PUS7L: variants seen among roughly 807,000 people sequenced by gnomAD.
PUS7L encodes pseudouridylate synthase PUS7L.
In PUS7L, 49 loss-of-function variants were observed where a neutral mutation model predicts 51.1. The ratio of observed to expected loss-of-function variants is 0.96; its 90% CI spans 0.76 to 1.22. PUS7L has a LOEUF of 1.22. Ranked by LOEUF, PUS7L falls within the 50% of genes most tolerant of loss-of-function variation. The pLI, the probability that PUS7L is intolerant of heterozygous loss-of-function variation, is 0.00. For synonymous variants in PUS7L, 277 were observed against 276.2 expected (o/e 1.00, Z -0.03); for missense variants, 828 against 820.6 (o/e 1.01, Z -0.11).
At chr12:43,758,653 C>CGG in intron 1 of PUS7L, 77 bp downstream of exon 1, 1 of 499,676 alleles carries the variant, frequency 2.0e-6, no homozygotes, top group Non-Finnish European at 2.3e-6. Flanking sequence ...CCAACCTCGT[C>CGG]ACCCCCCCCC....
intron 7 of PUS7L, among the ~76,000 whole-genome samples, chr12:43,734,017 C>T (rs1371475096): frequency 6.6e-6 from 1 of 152,070 alleles, no homozygotes; most frequent in African/African-American, 2.4e-5. Flanking sequence ...ATCTTTACTC[C>T]CTCTTTTCAA....
chr12:43,729,451 A>C lies in PUS7L; in HGVS notation c.*925T>G, dbSNP rs1238709265. On this transcript the variant is annotated 3_prime_UTR_variant, in exon 9 of 9. Coordinates refer to ENST00000344862, the MANE Select transcript of PUS7L (RefSeq NM_031292.5). ...TACATGCCAGTCATTCCTCCCCAAC[A>C]CACCCATATTTAACTGATATAAAAT... 2.8e-6 allele frequency: 1 copy of C among 362,334 alleles called. No homozygotes were observed. Among genetic ancestry groups the C allele is most frequent in the Admixed American group, 4.6e-5 (1 of 21,600 alleles). The allele number at this position is 362,334 out of a possible 1,614,324, so 22.4% of individuals were successfully genotyped here. A position where few individuals can be genotyped will look rare whatever the true frequency, so the allele number is the denominator to read the frequency against.
chr12:43,752,228 CGTGGCTGGAAGGTTG>C (rs557592729), intron 2 of PUS7L, among the ~76,000 whole-genome samples: 147 of 152,248 alleles, frequency 9.7e-4, no homozygotes, highest in African/African-American at 3.4e-3. Flanking sequence ...GGCTCATTTA[CGTGGCTGGAAGGTTG>C]GTACTGGCTG....
At chr12:43,743,130 G>T (rs1179828657) in intron 4 of PUS7L, among the ~76,000 whole-genome samples, 1 of 152,112 alleles carries the variant, frequency 6.6e-6, no homozygotes, top group Non-Finnish European at 1.5e-5. Flanking sequence ...TATTCCAGGG[G>T]AAGAATACAG....
chr12:43,737,348 A>G (rs1027963900), intron 6 of PUS7L, among the ~76,000 whole-genome samples: 1 of 152,170 alleles, frequency 6.6e-6, no homozygotes, highest in African/African-American at 2.4e-5. Context: ...ATTACTCATA[A>G]GAGTTAGAAG....
chr12:43,737,290 A>G (rs1035695499), intron 6 of PUS7L, among the ~76,000 whole-genome samples: 5 of 152,178 alleles, frequency 3.3e-5, no homozygotes, highest in African/African-American at 1.2e-4. Flanking sequence ...TCGGGACTCT[A>G]TAACAGACAT....
chr12:43,752,732 G>A (rs969000763), intron 2 of PUS7L, among the ~76,000 whole-genome samples: 1 of 152,164 alleles, frequency 6.6e-6, no homozygotes, highest in Non-Finnish European at 1.5e-5. Flanking sequence ...TTCAGAACTG[G>A]AGAGGAGGAA....
In PUS7L at chr12:43,724,189, C is replaced by A. The variant is rs1450233327; in HGVS notation, c.*6187G>T. Reference sequence around the variant, plus strand: ...TCTTTTTGTTCTCTTAAAGATTACTCCCAGGTAGAAAACGTTAAGGAACAT... The same window carrying A: ...TCTTTTTGTTCTCTTAAAGATTACTACCAGGTAGAAAACGTTAAGGAACAT... On this transcript the variant is annotated 3_prime_UTR_variant, in exon 9 of 9. Transcript: ENST00000344862. 1 of 151,728 alleles carries A rather than the reference C, an allele frequency of 6.6e-6. No homozygotes were observed. Among genetic ancestry groups the A allele is most frequent in the Non-Finnish European group, 1.5e-5 (1 of 67,874 alleles). 9.4% of individuals were successfully genotyped at this position (151,728 alleles called of 1,614,324 possible).
chr12:43,738,022 C>A, intron 6 of PUS7L: 1 of 268,186 alleles, frequency 3.7e-6, no homozygotes. Context: ...GTGCCAGATT[C>A]GAATTTGGAA....
At chr12:43,735,524 A>G (rs1944664968) in intron 7 of PUS7L, among the ~76,000 whole-genome samples, 1 of 152,006 alleles carries the variant, frequency 6.6e-6, no homozygotes, top group African/African-American at 2.4e-5. Flanking sequence ...TACACACATT[A>G]CATTGTTCCA....
intron 3 of PUS7L, 107 bp downstream of exon 3, chr12:43,748,343 A>G: frequency 1.5e-6 from 1 of 651,324 alleles, no homozygotes; most frequent in East Asian, 2.8e-5. Context: ...TTTTCTGAAT[A>G]TAAATGCATA....
In PUS7L at chr12:43,723,830, G is replaced by C. The variant is rs1324915755; in HGVS notation, c.*6546C>G. 2.0e-5 allele frequency: 3 copies of C among 151,792 alleles called. No homozygotes were observed. Among genetic ancestry groups the C allele is most frequent in the Non-Finnish European group, 4.4e-5 (3 of 67,888 alleles). The allele number at this position is 151,792 out of a possible 1,614,324, so 9.4% of individuals were successfully genotyped here. A position where few individuals can be genotyped will look rare whatever the true frequency, so the allele number is the denominator to read the frequency against. On this transcript the variant is annotated 3_prime_UTR_variant, in exon 9 of 9. Transcript: ENST00000344862. ...TAGAAAGCAAAATCTATTAACACAG[G>C]CCCTAAACTTTAAACTAGTTATCCT... is the stretch of plus-strand genomic sequence containing the variant.
chr12:43,734,585 A>T (rs1286027902), intron 7 of PUS7L, among the ~76,000 whole-genome samples: 1 of 152,216 alleles, frequency 6.6e-6, no homozygotes, highest in African/African-American at 2.4e-5. Flanking sequence ...TGTAGAGTTC[A>T]GAGTCTGTTT....
chr12:43,719,809 T>C lies in PUS7L; in HGVS notation c.*10567A>G, dbSNP rs774009857. 1.3e-5 allele frequency: 2 copies of C among 152,230 alleles called. No individual in the cohort carries two copies. Among genetic ancestry groups the C allele is most frequent in the Non-Finnish European group, 2.9e-5 (2 of 68,036 alleles). The allele number at this position is 152,230 out of a possible 1,614,324, so 9.4% of individuals were successfully genotyped here. A position where few individuals can be genotyped will look rare whatever the true frequency, so the allele number is the denominator to read the frequency against. On this transcript the variant is annotated 3_prime_UTR_variant, in exon 9 of 9. Coordinates refer to ENST00000344862, the MANE Select transcript of PUS7L (RefSeq NM_031292.5). ...TTACAGCACCTATAGTGATTTCCTT[T>C]CCAATTATGATATTGGTTAGTTGTA...
At chr12:43,742,141 T>C (rs1258392717) in intron 5 of PUS7L, among the ~76,000 whole-genome samples, 1 of 152,216 alleles carries the variant, frequency 6.6e-6, no homozygotes, top group Non-Finnish European at 1.5e-5. Flanking sequence ...TATGATCTGA[T>C]ATCTGATTTC....
intron 3 of PUS7L, among the ~76,000 whole-genome samples, chr12:43,747,887 A>G (rs1938246032): frequency 6.6e-6 from 1 of 152,050 alleles, no homozygotes; most frequent in East Asian, 2.0e-4. Flanking sequence ...CTCCCTATTC[A>G]AGCAATTCTC....
chr12:43,752,974 CT>C (rs1938527678), intron 2 of PUS7L, among the ~76,000 whole-genome samples: 1 of 152,098 alleles, frequency 6.6e-6, no homozygotes, highest in Admixed American at 6.5e-5. Flanking sequence ...CTATTCACAA[CT>C]TTAGAAAAGT....
chr12:43,758,260 C>T, intron 1 of PUS7L: 1 of 951,282 alleles, frequency 1.1e-6, no homozygotes, highest in Non-Finnish European at 1.3e-6. Context: ...GTAATTCCAG[C>T]ATCCTGGTAG....
chr12:43,748,601 G>C lies in PUS7L; in HGVS notation c.919C>G (p.Leu307Val). 4 of 1,576,064 alleles carry C rather than the reference G, an allele frequency of 2.5e-6. No individual in the cohort carries two copies. The highest frequency in any genetic ancestry group is 3.4e-6 in the Non-Finnish European group (4 of 1,170,162). The change falls in exon 3 of 9, where the codon CTA becomes GTA. Residue 307 changes from leucine (L) to valine (V), a missense_variant. Coordinates refer to ENST00000344862, the MANE Select transcript of PUS7L (RefSeq NM_031292.5). ...AACATTTCCAGGTTTTCCTTTCGTA[G>C]GGTAAAAGCTGAAACAAAAAAAAAA... ...EGKVIYTAFT[L>V]RKENLEMFEA...
Sources: allele counts gnomAD v4.1 joint callset (sites outside exome capture counted in the v4.1 genomes callset), GRCh38; gene constraint gnomAD v4.1.1; transcripts MANE v1.5; gene names NCBI Gene and HGNC (gene_info 2026-07-23, HGNC 2026-07-21).